RAB3C: variants seen among roughly 807,000 people sequenced by gnomAD.
RAB3C encodes ras-related protein Rab-3C.
Under a neutral mutation model 26.4 loss-of-function variants are expected in RAB3C, and 17 were observed. The observed-to-expected ratio is 0.64, with a 90% CI of 0.44 to 0.97. The LOEUF is 0.97. Among genes scored for constraint, RAB3C ranks in the 50% least tolerant of loss-of-function variants. The pLI, the probability that RAB3C is intolerant of heterozygous loss-of-function variation, is 0.00. For missense variants in RAB3C, 242 were observed against 281.9 expected (o/e 0.86, Z 1.01); for synonymous variants, 91 against 95.9 (o/e 0.95, Z 0.30).
intron 2 of RAB3C, among the ~76,000 whole-genome samples, chr5:58,701,849 C>A (rs1352797761): frequency 6.6e-6 from 1 of 152,104 alleles, no homozygotes; most frequent in African/African-American, 2.4e-5. Context: ...TACATTGAGC[C>A]CACCCAGAAA....
chr5:58,836,424 A>G (rs1016229389), intron 4 of RAB3C, among the ~76,000 whole-genome samples: 2 of 152,140 alleles, frequency 1.3e-5, no homozygotes, highest in African/African-American at 2.4e-5. Flanking sequence ...AAACTATACA[A>G]TGTATTATTG....
At chr5:58,715,945 C>T (rs945406365) in intron 2 of RAB3C, among the ~76,000 whole-genome samples, 1 of 151,492 alleles carries the variant, frequency 6.6e-6, no homozygotes, top group African/African-American at 2.4e-5. Flanking sequence ...TATACATGTG[C>T]CATGCTGGTG....
At chr5:58,721,853 G>C (rs1018102683) in intron 2 of RAB3C, among the ~76,000 whole-genome samples, 2 of 151,686 alleles carry the variant, frequency 1.3e-5, no homozygotes, top group Admixed American at 1.3e-4. Context: ...TTACCAATTA[G>C]ATTGTATTTC....
In RAB3C at chr5:58,768,979, G is replaced by A. The variant is rs112383496; in HGVS notation, c.371+42859G>A. ...GCTGCGACTTGAACCTACACAAGAT[G>A]TGGTGATGGTAGCTGGCCCAAAGCA... On this transcript the variant is annotated intron_variant, in intron 3 of 4. Coordinates refer to ENST00000282878, the MANE Select transcript of RAB3C (RefSeq NM_138453.4). Among the ~76,000 whole-genome samples, 459 of 152,308 alleles carry A rather than the reference G, an allele frequency of 3.0e-3. 6 individuals carry two copies. The highest frequency in any genetic ancestry group is 0.011 in the African/African-American group (447 of 41,568).
intron 3 of RAB3C, among the ~76,000 whole-genome samples, chr5:58,770,777 C>A (rs1211625965): frequency 6.6e-6 from 1 of 151,994 alleles, no homozygotes; most frequent in East Asian, 1.9e-4. Flanking sequence ...TAGTCATAAT[C>A]TTTTTTACTT....
chr5:58,694,404 G>T (rs1291751357), intron 2 of RAB3C, among the ~76,000 whole-genome samples: 2 of 152,196 alleles, frequency 1.3e-5, no homozygotes, highest in African/African-American at 2.4e-5. Context: ...ACATGTGCAT[G>T]TGTCTTTATA....
intron 3 of RAB3C, among the ~76,000 whole-genome samples, chr5:58,731,723 G>T (rs936865674): frequency 1.3e-5 from 2 of 152,134 alleles, no homozygotes; most frequent in African/African-American, 4.8e-5. Flanking sequence ...CAGACTATCT[G>T]GTAGAAGGAA....
chr5:58,635,678 C>T (rs1053799755), intron 2 of RAB3C, among the ~76,000 whole-genome samples: 1 of 152,152 alleles, frequency 6.6e-6, no homozygotes, highest in Admixed American at 6.6e-5. Context: ...AGGCTGTGCT[C>T]TAGAGCATAC....
intron 2 of RAB3C, among the ~76,000 whole-genome samples, chr5:58,710,611 T>A (rs1020905216): frequency 1.3e-5 from 2 of 148,286 alleles, no homozygotes; most frequent in African/African-American, 5.0e-5. Flanking sequence ...AATAAATAAA[T>A]AAATAAATAA....
At chr5:58,585,733 G>C (rs1477921388) in intron 1 of RAB3C, among the ~76,000 whole-genome samples, 2 of 152,046 alleles carry the variant, frequency 1.3e-5, no homozygotes, top group African/African-American at 4.8e-5. Context: ...TTTGATATGT[G>C]CCTATTTTAT....
intron 3 of RAB3C, among the ~76,000 whole-genome samples, chr5:58,767,017 C>CGG (rs35992262): frequency 7.4e-4 from 112 of 151,876 alleles, no homozygotes; most frequent in Non-Finnish European, 1.4e-3. Flanking sequence ...ATATAGCCAG[C>CGG]GGGGGGGACT....
chr5:58,704,643 C>T (rs1748908846), intron 2 of RAB3C, among the ~76,000 whole-genome samples: 1 of 152,050 alleles, frequency 6.6e-6, no homozygotes. Context: ...GAACAACAGT[C>T]ATTAAAAGGT....
chr5:58,606,166 G>C (rs1360352828), intron 1 of RAB3C, among the ~76,000 whole-genome samples: 1 of 152,170 alleles, frequency 6.6e-6, no homozygotes, highest in African/African-American at 2.4e-5. Flanking sequence ...ATGACAGACT[G>C]TATCTGGAAA....
At position 58,852,066 on chromosome 5, in the gene RAB3C, C is replaced by G. The variant is rs1247507112; in HGVS notation, c.*715C>G. 1.3e-5 allele frequency: 2 copies of G among 152,138 alleles called. No homozygotes were observed. The highest frequency in any genetic ancestry group is 4.8e-5 in the African/African-American group (2 of 41,434). The allele number at this position is 152,138 out of a possible 1,614,324, so 9.4% of individuals were successfully genotyped here. A position where few individuals can be genotyped will look rare whatever the true frequency, so the allele number is the denominator to read the frequency against. On this transcript the variant is annotated 3_prime_UTR_variant, in exon 5 of 5. Coordinates refer to ENST00000282878, the MANE Select transcript of RAB3C (RefSeq NM_138453.4). Reference sequence around the variant, plus strand: ...ACATTTAAATAAGCAAGTATCTACCCAGGACTGCTTTTTCCACTGATCCTT... The same window carrying G: ...ACATTTAAATAAGCAAGTATCTACCGAGGACTGCTTTTTCCACTGATCCTT...
At chr5:58,694,429 A>G (rs921352851) in intron 2 of RAB3C, among the ~76,000 whole-genome samples, 1 of 152,172 alleles carries the variant, frequency 6.6e-6, no homozygotes, top group Non-Finnish European at 1.5e-5. Flanking sequence ...CATGATTTAT[A>G]ATCCTTTGGG....
At chr5:58,656,007 G>A (rs896731700) in intron 2 of RAB3C, among the ~76,000 whole-genome samples, 1 of 151,660 alleles carries the variant, frequency 6.6e-6, no homozygotes, top group Non-Finnish European at 1.5e-5. Flanking sequence ...CCGTGGTCTC[G>A]ATCTCCTGAC....
Position 58,656,935 on chromosome 5 carries a change from G to A in RAB3C, c.252+39065G>A, listed in dbSNP as rs899138846. Reference sequence around the variant, plus strand: ...TTATACCAAAAAGATACTTGCACACGCATGTTTATAGCAGCACAGTTCACA... The same window carrying A: ...TTATACCAAAAAGATACTTGCACACACATGTTTATAGCAGCACAGTTCACA... On this transcript the variant is annotated intron_variant, in intron 2 of 4. Transcript: ENST00000282878. 5.3e-5 allele frequency among the ~76,000 whole-genome samples: 8 copies of A among 152,148 alleles called. 1 individual carries two copies. The South Asian group carries it at 6.2e-4, about 12-fold the overall frequency.
intron 2 of RAB3C, among the ~76,000 whole-genome samples, chr5:58,704,220 C>G (rs1256233809): frequency 6.6e-6 from 1 of 152,124 alleles, no homozygotes; most frequent in Non-Finnish European, 1.5e-5. Context: ...AAATCAATTT[C>G]TTTATAAAAA....
At chr5:58,718,766 A>G (rs546922466) in intron 2 of RAB3C, among the ~76,000 whole-genome samples, 1 of 152,166 alleles carries the variant, frequency 6.6e-6, no homozygotes, top group Admixed American at 6.6e-5. Context: ...AGATGCTTGT[A>G]TAACTGAATA....
Sources: gnomAD v4.1 joint callset for allele counts (sites outside exome capture counted in the v4.1 genomes callset) on GRCh38, gnomAD v4.1.1 for gene constraint, MANE v1.5 for transcripts, NCBI Gene and HGNC (gene_info 2026-07-23, HGNC 2026-07-21) for gene names.